The following SHISA4 variants were observed in gnomAD, a reference collection of about 807,000 sequenced individuals.
SHISA4 encodes the protein protein shisa-4.
In SHISA4, 16 loss-of-function variants were observed where a neutral mutation model predicts 24.2. That is an observed-to-expected ratio of 0.66 (90% confidence interval 0.45 to 1.00). The LOEUF (loss-of-function observed/expected upper bound fraction) is 1.00, where lower values mean the gene tolerates loss of function less well. Among genes scored for constraint, SHISA4 ranks in the 50% least tolerant of loss-of-function variants. The pLI is 0.00. For synonymous variants in SHISA4, 106 were observed against 105.4 expected, an observed-to-expected ratio of 1.01 and a Z score of -0.04; for missense variants, 238 against 258.9, an observed-to-expected ratio of 0.92 and a Z score of 0.55.
intron 1 of SHISA4, 122 bp from the exon 2 acceptor site, chr1:201,889,323 C>A: frequency 7.2e-7 from 1 of 1,384,354 alleles, no homozygotes; most frequent in South Asian, 1.3e-5. Context: ...AGGGTGGAGA[C>A]AAGGGGCAAC....
chr1:201,891,534 C>A lies in SHISA4; in HGVS notation c.513C>A (p.Leu171=). The A allele has an allele frequency of 1.9e-6, 3 of 1,613,616 alleles. No individual in the cohort carries two copies. Among genetic ancestry groups the A allele is most frequent in the Non-Finnish European group, 2.5e-6 (3 of 1,179,782 alleles). ...PPSGPAPQYP[L]YPAGPPVYNP... ...GTGGTCCTGCTCCCCAATATCCACT[C>A]TACCCAGCTGGGCCCCCAGTCTACA... Residue 171 remains leucine (L), a synonymous_variant, in exon 4 of 5, where the codon CTC becomes CTA. Transcript: ENST00000362011.
Position 201,889,002 on chromosome 1 carries a change from C to G in SHISA4, c.8C>G (p.Pro3Arg). Residue 3 changes from proline (P) to arginine (R), a missense_variant, in exon 1 of 5, where the codon CCC (proline) becomes CGC (arginine). Coordinates refer to ENST00000362011, the MANE Select transcript of SHISA4 (RefSeq NM_198149.3). MPPAGLRRAAPLT... is the reference protein window; with the variant it reads MPRAGLRRAAPLT... ...CCGCGCCCAGCCCCCACCATGCCAC[C>G]CGCGGGGCTCCGCCGGGCCGCGCCG... 1 of 1,388,392 alleles carries G rather than the reference C, an allele frequency of 7.2e-7. No individual in the cohort carries two copies. The highest frequency in any genetic ancestry group is 9.3e-7 in the Non-Finnish European group (1 of 1,070,216). The allele number at this position is 1,388,392 out of a possible 1,614,324, so 86.0% of individuals were successfully genotyped here.
chr1:201,889,031 A>G lies in SHISA4; in HGVS notation c.37A>G (p.Thr13Ala), dbSNP rs1681040113. ...GGGGCTCCGCCGGGCCGCGCCGCTC[A>G]CCGCAATCGCTCTGTTGGTGCTGGG... ...PAGLRRAAPL[T>A]AIALLVLGAP... The change falls in exon 1 of 5, where the codon ACC (threonine) becomes GCC (alanine). Residue 13 changes from threonine (T) to alanine (A), a missense_variant. Physicochemically the swap from Thr to Ala is moderately conservative, Grantham distance 58. Coordinates refer to ENST00000362011, the MANE Select transcript of SHISA4 (RefSeq NM_198149.3). The G allele has an allele frequency of 1.5e-6, 2 of 1,377,164 alleles. No homozygotes were observed. The highest frequency in any genetic ancestry group is 1.5e-5 in the African/African-American group (1 of 65,408). The allele number at this position is 1,377,164 out of a possible 1,614,324, so 85.3% of individuals were successfully genotyped here. A position where few individuals can be genotyped will look rare whatever the true frequency, so the allele number is the denominator to read the frequency against.
At chr1:201,891,037 C>CTAGG (rs1681086608) in intron 3 of SHISA4, among the ~76,000 whole-genome samples, 1 of 152,094 alleles carries the variant, frequency 6.6e-6, no homozygotes, top group African/African-American at 2.4e-5. Context: ...TACGGGAGAT[C>CTAGG]AGTGTGGGAG....
chr1:201,889,630 T>G lies in SHISA4; in HGVS notation c.245+14T>G, dbSNP rs752478204. On this transcript the variant is annotated intron_variant, in intron 2 of 4. Transcript: ENST00000362011. ...CCTGGCCTTCAGGTGGGTTCCTGCC[T>G]CCTCACCCTCACCACCTCCTCTATC... 6.2e-7 allele frequency: 1 copy of G among 1,612,198 alleles called. No individual in the cohort carries two copies. Among genetic ancestry groups the G allele is most frequent in the Non-Finnish European group, 8.5e-7 (1 of 1,179,638 alleles).
chr1:201,888,991 C>A lies in SHISA4; in HGVS notation c.-4C>A, dbSNP rs1409617901. The stretch of plus-strand genomic sequence containing the variant: ...CCCGACCCCGGCCGCGCCCAGCCCC[C>A]ACCATGCCACCCGCGGGGCTCCGCC... On this transcript the variant is annotated 5_prime_UTR_variant, in exon 1 of 5. Transcript: ENST00000362011. The A allele has an allele frequency of 7.2e-7, 1 of 1,395,284 alleles. No individual in the cohort carries two copies. The highest frequency in any genetic ancestry group is 9.3e-7 in the Non-Finnish European group (1 of 1,073,646). 86.4% of individuals were successfully genotyped at this position (1,395,284 alleles called of 1,614,324 possible). A position where few individuals can be genotyped will look rare whatever the true frequency, so the allele number is the denominator to read the frequency against.
At chr1:201,890,320 TG>T in intron 2 of SHISA4, 133 bp from the exon 3 acceptor site, 1 of 1,162,800 alleles carries the variant, frequency 8.6e-7, no homozygotes, top group Non-Finnish European at 1.2e-6. Flanking sequence ...TCACAGGGAC[TG>T]GGCAGAGCCC....
At position 201,889,186 on chromosome 1, in the gene SHISA4, T is replaced by C. The variant is rs1216806676; in HGVS notation, c.73+119T>C. On this transcript the variant is annotated intron_variant, in intron 1 of 4. Transcript: ENST00000362011. ...GACCCTCCGGCTGCCACGGGAGCCTTGGGTGTTGCTGGGTCCTCAAGAAGC... is the reference window on the plus strand; with the variant it reads ...GACCCTCCGGCTGCCACGGGAGCCTCGGGTGTTGCTGGGTCCTCAAGAAGC... 1.2e-5 allele frequency: 12 copies of C among 1,004,378 alleles called. No homozygotes were observed. The South Asian group carries it at 1.2e-4, about 10-fold the overall frequency. The allele number at this position is 1,004,378 out of a possible 1,614,324, so 62.2% of individuals were successfully genotyped here.
At chr1:201,889,372 G>A in intron 1 of SHISA4, 73 bp from the exon 2 acceptor site, 4 of 1,585,050 alleles carry the variant, frequency 2.5e-6, no homozygotes, top group Non-Finnish European at 3.4e-6. Flanking sequence ...GGACCGCCGG[G>A]GGAGTGGGGC....
rs564288888 is a variant in SHISA4 at position 201,889,583 on chromosome 1, C to T, written c.212C>T (p.Thr71Ile). The change falls in exon 2 of 5, where the codon ACC becomes ATC. Residue 71 changes from threonine to isoleucine, a missense_variant. Coordinates refer to ENST00000362011, the MANE Select transcript of SHISA4 (RefSeq NM_198149.3). ...YCCRDLTLLITERQQKHCLAF... is the reference protein window; with the variant it reads ...YCCRDLTLLIIERQQKHCLAF... ...TGCAGGGACCTGACCTTGCTTATCA[C>T]CGAGAGGCAGCAGAAGCACTGCCTG... is the stretch of plus-strand genomic sequence containing the variant. 1.9e-6 allele frequency: 3 copies of T among 1,613,886 alleles called. No homozygotes were observed. The highest frequency in any genetic ancestry group is 1.7e-5 in the Admixed American group (1 of 60,016).
At chr1:201,889,417 A>G (rs1681049309) in intron 1 of SHISA4, 28 bp from the exon 2 acceptor site, 1 of 1,608,470 alleles carries the variant, frequency 6.2e-7, no homozygotes, top group South Asian at 1.1e-5. Flanking sequence ...CCTGGTGGCC[A>G]CTGGGCACCC....
At position 201,891,729 on chromosome 1, in the gene SHISA4, C is replaced by A. The variant is rs545707837; in HGVS notation, c.548-71C>A. ...TCTTCCCTATGGGTCCTGTCTGCCC[C>A]GGGGGCAGGGGTGTTACTTTTCGTC... On this transcript the variant is annotated intron_variant, in intron 4 of 4. Transcript: ENST00000362011. 2.8e-5 allele frequency: 45 copies of A among 1,587,414 alleles called. No individual in the cohort carries two copies. The African/African-American group carries it at 5.6e-4, about 20-fold the overall frequency.
Position 201,888,902 on chromosome 1 carries a change from G to T in SHISA4, c.-93G>T. ...GCGGAAGAGGAGCCCGAGCCTGGCC[G>T]CGGGCTGGGCCCCGCCGCAGCTCCA... On this transcript the variant is annotated 5_prime_UTR_variant, in exon 1 of 5. Transcript: ENST00000362011. The T allele has an allele frequency of 1.2e-6, 1 of 857,932 alleles. No individual in the cohort carries two copies. Among genetic ancestry groups the T allele is most frequent in the Non-Finnish European group, 1.6e-6 (1 of 632,924 alleles). 53.1% of individuals were successfully genotyped at this position (857,932 alleles called of 1,614,324 possible).
intron 4 of SHISA4, 101 bp from the exon 5 acceptor site, chr1:201,891,699 C>A: frequency 6.5e-7 from 1 of 1,547,796 alleles, no homozygotes; most frequent in Non-Finnish European, 8.9e-7. Flanking sequence ...AACCTCCAGG[C>A]CCACTCTTCC....
intron 2 of SHISA4, 113 bp from the exon 3 acceptor site, chr1:201,890,341 C>T: frequency 7.1e-7 from 1 of 1,415,070 alleles, no homozygotes; most frequent in Non-Finnish European, 9.6e-7. Context: ...CCACAAGGAA[C>T]CCCAAATCTC....
At position 201,890,469 on chromosome 1, in the gene SHISA4, A is replaced by G. The variant is rs759531332; in HGVS notation, c.261A>G (p.Ala87=). 21 of 1,614,230 alleles carry G rather than the reference A, an allele frequency of 1.3e-5. 1 individual carries two copies. Among genetic ancestry groups the G allele is most frequent in the Non-Finnish European group, 1.6e-5 (19 of 1,180,034 alleles). Residue 87 remains alanine, a synonymous_variant, in exon 3 of 5, where the codon GCA becomes GCG. Transcript: ENST00000362011. ...HCLAFSPKTI[A]GIASAVILFV... ...TTGTCTAAAGCCCCAAGACCATAGCAGGCATCGCCTCAGCTGTGATCCTCT... is the reference window on the plus strand; with the variant it reads ...TTGTCTAAAGCCCCAAGACCATAGCGGGCATCGCCTCAGCTGTGATCCTCT...
intron 3 of SHISA4, 44 bp downstream of exon 3, chr1:201,890,631 TAA>T: frequency 1.2e-6 from 2 of 1,606,142 alleles, no homozygotes; most frequent in Non-Finnish European, 1.7e-6. Context: ...TGGGCTGGGC[TAA>T]GTCCAATAAT....
chr1:201,892,440 C>T lies in SHISA4; in HGVS notation c.*594C>T, dbSNP rs1215875384. On this transcript the variant is annotated 3_prime_UTR_variant, in exon 5 of 5. Transcript: ENST00000362011. ...GCATCGGAGCACAGCACCATCCTCA[C>T]CCCCATCCACAAGCAGACCAAGGCG... The T allele has an allele frequency of 6.4e-6, 1 of 155,068 alleles. No individual in the cohort carries two copies. The highest frequency in any genetic ancestry group is 2.4e-5 in the African/African-American group (1 of 41,412). 9.6% of individuals were successfully genotyped at this position (155,068 alleles called of 1,614,324 possible).
intron 3 of SHISA4, 111 bp from the exon 4 acceptor site, chr1:201,891,290 G>A (rs1471026441): frequency 1.0e-5 from 14 of 1,339,952 alleles, no homozygotes; most frequent in South Asian, 6.2e-5. Flanking sequence ...TGGCCAGCCT[G>A]GAGCTTGCCA....
Sources: gnomAD v4.1 joint callset for allele counts (sites outside exome capture counted in the v4.1 genomes callset) on GRCh38, gnomAD v4.1.1 for gene constraint, MANE v1.5 for transcripts, NCBI Gene and HGNC (gene_info 2026-07-23, HGNC 2026-07-21) for gene names.